Variants in AKR1B15 observed in about 807,000 individuals in gnomAD.
AKR1B15 encodes aldo-keto reductase family 1 member B15, also known as estradiol 17-beta-dehydrogenase AKR1B15.
In AKR1B15, 49 loss-of-function variants were observed where a neutral mutation model predicts 38.5. The ratio of observed to expected loss-of-function variants is 1.27; its 90% CI spans 1.01 to 1.62. The LOEUF (loss-of-function observed/expected upper bound fraction) is 1.62, where lower values mean the gene tolerates loss of function less well. Among genes scored for constraint, AKR1B15 ranks in the 40% most tolerant of loss-of-function variants. AKR1B15 has a pLI of 0.00. For missense variants in AKR1B15, 411 were observed against 381.6 expected, an observed-to-expected ratio of 1.08 and a Z score of -0.64; for synonymous variants, 137 against 135.5, an observed-to-expected ratio of 1.01 and a Z score of -0.08.
chr7:134,565,352 A>T lies in AKR1B15; in HGVS notation c.150+583A>T, dbSNP rs926389414. 2.8e-6 allele frequency: 4 copies of T among 1,445,118 alleles called. No individual in the cohort carries two copies. The African/African-American group carries it at 5.6e-5, about 20-fold the overall frequency. The allele number at this position is 1,445,118 out of a possible 1,614,324, so 89.5% of individuals were successfully genotyped here. On this transcript the variant is annotated intron_variant, in intron 3 of 11. Transcript: ENST00000457545. Reference sequence around the variant, plus strand: ...ACAACATCTTTAACAGCTGTAACACACACTGTGAAGGTCCACGGCTTCATT... The same window carrying T: ...ACAACATCTTTAACAGCTGTAACACTCACTGTGAAGGTCCACGGCTTCATT...
At chr7:134,566,312 G>C (rs1048431015) in intron 3 of AKR1B15, among the ~76,000 whole-genome samples, 1 of 152,020 alleles carries the variant, frequency 6.6e-6, no homozygotes, top group Non-Finnish European at 1.5e-5. Context: ...GAAAGAAAGA[G>C]AAAAAATGCA....
At chr7:134,577,515 C>T (rs1585817290) in intron 10 of AKR1B15, among the ~76,000 whole-genome samples, 189 bp from the exon 11 acceptor site, 1 of 152,200 alleles carries the variant, frequency 6.6e-6, no homozygotes, top group South Asian at 2.1e-4. Flanking sequence ...CTGAGCACTA[C>T]AAATACTGTG....
At chr7:134,572,703 G>C (rs1450524763) in intron 6 of AKR1B15, among the ~76,000 whole-genome samples, 1 of 151,700 alleles carries the variant, frequency 6.6e-6, no homozygotes, top group Non-Finnish European at 1.5e-5. Context: ...CCCATGACCT[G>C]TTTCACATCA....
chr7:134,568,764 A>C (rs1052620868), intron 4 of AKR1B15, among the ~76,000 whole-genome samples: 2 of 152,116 alleles, frequency 1.3e-5, no homozygotes, highest in Admixed American at 6.5e-5. Flanking sequence ...TTCTTTATTC[A>C]GTCTAGTAAA....
intron 1 of AKR1B15, among the ~76,000 whole-genome samples, chr7:134,555,498 T>C (rs189691136): frequency 5.3e-5 from 8 of 152,228 alleles, no homozygotes; most frequent in Non-Finnish European, 1.0e-4. Context: ...TGAGTAAAGC[T>C]ATCGAATTAA....
chr7:134,565,602 T>G (rs113585572), intron 3 of AKR1B15: 62,833 of 1,605,394 alleles, frequency 0.039, 1,509 homozygotes, highest in South Asian at 0.073. Context: ...TTGGGTGTTT[T>G]CTCTTTCTAC....
At chr7:134,568,865 G>A (rs369754638) in intron 4 of AKR1B15, among the ~76,000 whole-genome samples, 4 of 148,784 alleles carry the variant, frequency 2.7e-5, no homozygotes, top group Admixed American at 6.7e-5. Context: ...GCAAGTTGCT[G>A]AAAAAAAAAA....
Position 134,569,517 on chromosome 7 carries a change from A to G in AKR1B15, c.423A>G (p.Pro141=), listed in dbSNP as rs747280513. 2 of 1,614,082 alleles carry G rather than the reference A, an allele frequency of 1.2e-6. No homozygotes were observed. The highest frequency in any genetic ancestry group is 1.1e-5 in the South Asian group (1 of 91,070). Residue 141 remains proline (P), a synonymous_variant, in exon 5 of 12, where the codon CCA becomes CCG. Transcript: ENST00000457545. ...TGGACGTCTATCTTATTCACTGGCC[A>G]CAGGGATTCAAGGTTTGAGTGACTC... The part of the protein sequence containing the change: ...SYLDVYLIHW[P]QGFKTGDDFF...
At position 134,579,462 on chromosome 7, in the gene AKR1B15, C is replaced by T. The variant is rs766089807; in HGVS notation, c.993-45C>T. The stretch of plus-strand genomic sequence containing the variant: ...AATACCTTCTCAGCGAGAGTTGTTG[C>T]TTTGATGGAACACAGTTTCTTTTTT... On this transcript the variant is annotated intron_variant, in intron 11 of 11. Transcript: ENST00000457545. The T allele has an allele frequency of 2.0e-4, 299 of 1,515,830 alleles. 2 individuals carry two copies. The East Asian group carries it at 6.8e-3, about 34-fold the overall frequency. The allele number at this position is 1,515,830 out of a possible 1,614,324, so 93.9% of individuals were successfully genotyped here.
At chr7:134,560,424 T>C (rs1199588210) in intron 2 of AKR1B15, among the ~76,000 whole-genome samples, 2 of 152,178 alleles carry the variant, frequency 1.3e-5, no homozygotes, top group Non-Finnish European at 2.9e-5. Flanking sequence ...GAGATCGGCT[T>C]ATCAGCTGAT....
intron 1 of AKR1B15, among the ~76,000 whole-genome samples, chr7:134,553,127 A>C (rs1291069382): frequency 6.6e-6 from 1 of 152,194 alleles, no homozygotes; most frequent in Non-Finnish European, 1.5e-5. Flanking sequence ...CCAGTGCTCG[A>C]AAGGCAGCCA....
chr7:134,562,876 TTCTTTC>T lies in AKR1B15; in HGVS notation c.-22-1720_-22-1715del, dbSNP rs1217762973. ...TTTCTTTCTTTCTTTCTTTCTTTCT[TTCTTTC>T]TTTCTTTCCTTCTTTCTTCCTTCCT... On this transcript the variant is annotated intron_variant, in intron 2 of 11. Transcript: ENST00000457545. 6.9e-5 allele frequency among the ~76,000 whole-genome samples: 10 copies of T among 144,400 alleles called. No homozygotes were observed. In the East Asian group the frequency reaches 2.0e-3, roughly 29 times the overall value. The allele number at this position is 144,400 out of a possible 152,430, so 94.7% of individuals were successfully genotyped here. A position where few individuals can be genotyped will look rare whatever the true frequency, so the allele number is the denominator to read the frequency against.
chr7:134,562,886 CTTT>C (rs1562947130), intron 2 of AKR1B15, among the ~76,000 whole-genome samples: 7 of 127,614 alleles, frequency 5.5e-5, no homozygotes, highest in African/African-American at 2.1e-4. Flanking sequence ...TTCTTTCTTT[CTTT>C]CCTTCTTTCT....
intron 1 of AKR1B15, among the ~76,000 whole-genome samples, chr7:134,556,094 T>C (rs372739509): frequency 6.6e-6 from 1 of 152,230 alleles, no homozygotes; most frequent in East Asian, 1.9e-4. Context: ...GGATTTGATG[T>C]TGGAACTATG....
At chr7:134,565,689 G>T in intron 3 of AKR1B15, 2 of 1,461,904 alleles carry the variant, frequency 1.4e-6, no homozygotes, top group Non-Finnish European at 1.8e-6. Context: ...GACTCGGGTT[G>T]CTTTCTTTTC....
At position 134,564,623 on chromosome 7, in the gene AKR1B15, G is replaced by C. The variant is rs562414625; in HGVS notation, c.4G>C (p.Val2Leu). ...GATCGAGGCCATCAAGCTACAGATG[G>C]TCTTACAAATGGAACCCCAAGTGAA... The part of the protein sequence containing the change: M[V>L]LQMEPQVNST... The change falls in exon 3 of 12, where the codon GTC becomes CTC. Residue 2 changes from valine to leucine, a missense_variant. Coordinates refer to ENST00000457545, the MANE Select transcript of AKR1B15 (RefSeq NM_001080538.3). 2.0e-5 allele frequency: 14 copies of C among 697,296 alleles called. No homozygotes were observed. Among genetic ancestry groups the C allele is most frequent in the African/African-American group, 3.5e-5 (2 of 57,230 alleles). The allele number at this position is 697,296 out of a possible 1,614,324, so 43.2% of individuals were successfully genotyped here. A position where few individuals can be genotyped will look rare whatever the true frequency, so the allele number is the denominator to read the frequency against.
At chr7:134,575,258 C>T (rs939414583) in intron 6 of AKR1B15, among the ~76,000 whole-genome samples, 162 bp from the exon 7 acceptor site, 2 of 152,138 alleles carry the variant, frequency 1.3e-5, no homozygotes, top group African/African-American at 4.8e-5. Flanking sequence ...GAACCAATCA[C>T]TGATGGGCAC....
chr7:134,556,423 C>G (rs1432386136), intron 1 of AKR1B15, among the ~76,000 whole-genome samples: 1 of 152,136 alleles, frequency 6.6e-6, no homozygotes, highest in East Asian at 1.9e-4. Flanking sequence ...TCTTGTCATA[C>G]GTGCCCCCAT....
chr7:134,552,161 G>T (rs1036736438), intron 1 of AKR1B15, among the ~76,000 whole-genome samples: 1 of 152,172 alleles, frequency 6.6e-6, no homozygotes, highest in Non-Finnish European at 1.5e-5. Context: ...GTCCCAGAGT[G>T]CCCCTTCTCC....
Sources: gnomAD v4.1 joint callset for allele counts (sites outside exome capture counted in the v4.1 genomes callset) on GRCh38, gnomAD v4.1.1 for gene constraint, MANE v1.5 for transcripts, NCBI Gene and HGNC (gene_info 2026-07-23, HGNC 2026-07-21) for gene names.